Variants in ESCO2 observed in about 807,000 individuals in gnomAD.
ESCO2 encodes the protein N-acetyltransferase ESCO2.
A neutral mutation model predicts 61.7 loss-of-function variants in ESCO2; 51 were observed. The observed-to-expected ratio is 0.83, with a 90% confidence interval of 0.66 to 1.04. The LOEUF (loss-of-function observed/expected upper bound fraction) is 1.04. Among genes scored for constraint, ESCO2 ranks in the 50% least tolerant of loss-of-function variants. The pLI is 0.00. For synonymous variants in ESCO2, 230 were observed against 238.2 expected (o/e 0.97, Z 0.32); for missense variants, 692 against 686.2 (o/e 1.01, Z -0.09).
At chr8:27,782,323 G>A (rs1019710824) in intron 4 of ESCO2, among the ~76,000 whole-genome samples, 13 of 152,220 alleles carry the variant, frequency 8.5e-5, no homozygotes, top group African/African-American at 2.2e-4. Context: ...GTGCAATGGC[G>A]TAATCTCAGC....
At chr8:27,785,807 A>T (rs1805028417) in intron 5 of ESCO2, among the ~76,000 whole-genome samples, 2 of 151,464 alleles carry the variant, frequency 1.3e-5, no homozygotes, top group African/African-American at 4.9e-5. Flanking sequence ...TTAATCTATT[A>T]CTTCAGATGA....
At chr8:27,808,684 CAAAAA>C (rs34162059), downstream of ESCO2, among the ~76,000 whole-genome samples, 4 of 106,578 alleles carry the variant, frequency 3.8e-5, no homozygotes, top group Admixed American at 9.7e-5. Flanking sequence ...GACCCTGTCT[CAAAAA>C]AAAAAAAAAA....
intron 5 of ESCO2, among the ~76,000 whole-genome samples, chr8:27,784,926 C>G (rs1449229529): frequency 6.6e-6 from 1 of 152,220 alleles, no homozygotes; most frequent in African/African-American, 2.4e-5. Flanking sequence ...AGGTTTGTTT[C>G]TAGTTTTTCT....
At chr8:27,788,348 A>G (rs950472801) in intron 6 of ESCO2, among the ~76,000 whole-genome samples, 12 of 152,160 alleles carry the variant, frequency 7.9e-5, no homozygotes, top group African/African-American at 2.9e-4. Context: ...TAAGGGTTTC[A>G]TTAAAAAGTT....
intron 9 of ESCO2, among the ~76,000 whole-genome samples, chr8:27,794,558 A>G (rs752561304): frequency 1.3e-4 from 19 of 151,968 alleles, no homozygotes; most frequent in Non-Finnish European, 2.2e-4. Flanking sequence ...GTGTTTATCC[A>G]CTCTGTACTA....
chr8:27,793,056 C>T (rs764449324), intron 9 of ESCO2, among the ~76,000 whole-genome samples: 1 of 152,138 alleles, frequency 6.6e-6, no homozygotes, highest in Non-Finnish European at 1.5e-5. Flanking sequence ...ATTATAAAGT[C>T]TAGTGATTTT....
intron 10 of ESCO2, among the ~76,000 whole-genome samples, chr8:27,802,652 T>A (rs1386943598): frequency 4.2e-5 from 3 of 70,706 alleles, no homozygotes; most frequent in African/African-American, 1.3e-4. Flanking sequence ...TATATATATA[T>A]ATATTATATA....
downstream of ESCO2, among the ~76,000 whole-genome samples, chr8:27,816,386 TA>T (rs1460648047): frequency 1.3e-5 from 2 of 148,646 alleles, no homozygotes; most frequent in Non-Finnish European, 3.0e-5. Flanking sequence ...TATTTTAATT[TA>T]TTTTTTTTTG....
chr8:27,816,323 T>C (rs1172550177), downstream of ESCO2, among the ~76,000 whole-genome samples: 1 of 144,994 alleles, frequency 6.9e-6, no homozygotes, highest in Non-Finnish European at 1.5e-5. Flanking sequence ...ACACTTAAGA[T>C]TTTGGCTTTT....
chr8:27,799,096 AGTG>A (rs1449241137), intron 9 of ESCO2, among the ~76,000 whole-genome samples: 1 of 152,032 alleles, frequency 6.6e-6, no homozygotes, highest in Non-Finnish European at 1.5e-5. Flanking sequence ...GCTCCTCTGT[AGTG>A]GTTTTTTTCA....
intron 9 of ESCO2, among the ~76,000 whole-genome samples, chr8:27,796,238 C>T (rs1167777885): frequency 6.6e-6 from 1 of 152,018 alleles, no homozygotes; most frequent in Admixed American, 6.5e-5. Flanking sequence ...TATTCATAGT[C>T]TCTTACGATC....
At position 27,774,582 on chromosome 8, in the gene ESCO2, A is replaced by AGAGCTCGCCGGGCTCTGAGGC. The variant is rs1486253211; in HGVS notation, c.-40_-20dup. ...CACGGAGCGGCTGGCTAGGCTGAGG[A>AGAGCTCGCCGGGCTCTGAGGC]GAGCTCGCCGGGCTCTGAGGCGCAG... On this transcript the variant is annotated 5_prime_UTR_variant, in exon 1 of 11. Coordinates refer to ENST00000305188, the MANE Select transcript of ESCO2 (RefSeq NM_001017420.3). 3.7e-4 allele frequency: 56 copies of AGAGCTCGCCGGGCTCTGAGGC among 152,392 alleles called. No homozygotes were observed. The highest frequency in any genetic ancestry group is 1.3e-3 in the African/African-American group (53 of 41,554). 9.4% of individuals were successfully genotyped at this position (152,392 alleles called of 1,614,324 possible). A position where few individuals can be genotyped will look rare whatever the true frequency, so the allele number is the denominator to read the frequency against.
rs587783624 is a variant in ESCO2 at position 27,776,956 on chromosome 8, A to G, written c.648A>G (p.Lys216=). The change falls in exon 3 of 11, where the codon AAA becomes AAG. Residue 216 remains lysine (K), a synonymous_variant. Coordinates refer to ENST00000305188, the MANE Select transcript of ESCO2 (RefSeq NM_001017420.3). ...QGGAAFFVRK[K]SSLRKSSLEN... ...GAGCAGCATTTTTTGTTAGAAAAAA[A>G]TCTTCTCTTAGAAAATCGTCCCTGG... 1 of 1,613,240 alleles carries G rather than the reference A, an allele frequency of 6.2e-7. No homozygotes were observed. The highest frequency in any genetic ancestry group is 8.5e-7 in the Non-Finnish European group (1 of 1,179,808).
chr8:27,811,996 G>T (rs997255474), downstream of ESCO2: 1 of 151,976 alleles, frequency 6.6e-6, no homozygotes, highest in Admixed American at 6.6e-5. Context: ...AGATTCCTTG[G>T]GATTTTCTAC....
At chr8:27,787,817 GGCT>G (rs1805079938) in intron 5 of ESCO2, 65 bp from the exon 6 acceptor site, 2 of 1,211,990 alleles carry the variant, frequency 1.7e-6, no homozygotes, top group South Asian at 2.5e-5. Context: ...TCTGATAAAT[GGCT>G]GCTTTCTTTC....
chr8:27,803,580 A>AC lies in ESCO2; in HGVS notation c.*142_*143insC. On this transcript the variant is annotated 3_prime_UTR_variant, in exon 11 of 11. Coordinates refer to ENST00000305188, the MANE Select transcript of ESCO2 (RefSeq NM_001017420.3). ...CACACACACACACGCACACACACAT[A>AC]TCACAGTTTTGTTCCTTATGAGTTG... 143 of 1,438,994 alleles carry AC rather than the reference A, an allele frequency of 9.9e-5. No homozygotes were observed. Among genetic ancestry groups the AC allele is most frequent in the South Asian group, 6.4e-4 (42 of 65,508 alleles). 89.1% of individuals were successfully genotyped at this position (1,438,994 alleles called of 1,614,324 possible).
At chr8:27,803,163 C>A in intron 10 of ESCO2, 143 bp from the exon 11 acceptor site, 1 of 734,344 alleles carries the variant, frequency 1.4e-6, no homozygotes, top group Admixed American at 2.5e-5. Context: ...TATCATTAGA[C>A]TTCTGTCTCT....
intron 4 of ESCO2, among the ~76,000 whole-genome samples, chr8:27,782,773 G>T (rs1180030104): frequency 6.6e-6 from 1 of 151,460 alleles, no homozygotes; most frequent in Non-Finnish European, 1.5e-5. Context: ...ACTCGGCCTA[G>T]AGTGCAATTT....
intron 10 of ESCO2, 56 bp downstream of exon 10, chr8:27,799,772 C>G: frequency 6.3e-7 from 1 of 1,590,324 alleles, no homozygotes; most frequent in Non-Finnish European, 8.6e-7. Context: ...TTTCCCAGAA[C>G]CTCTCGGCTT....
Sources: gnomAD v4.1 joint callset for allele counts (sites outside exome capture counted in the v4.1 genomes callset) on GRCh38, gnomAD v4.1.1 for gene constraint, MANE v1.5 for transcripts, NCBI Gene and HGNC (gene_info 2026-07-23, HGNC 2026-07-21) for gene names.